The following TFAP2A variants were observed in gnomAD, a reference collection of about 807,000 sequenced individuals.
The protein encoded by TFAP2A is transcription factor AP-2 alpha, also known as transcription factor AP-2-alpha.
In TFAP2A, 7 loss-of-function variants were observed where a neutral mutation model predicts 41.5. The ratio of observed to expected loss-of-function variants is 0.17; its 90% CI spans 0.10 to 0.32. The LOEUF is 0.32. Ranked by LOEUF, TFAP2A falls within the 10% of genes least tolerant of loss-of-function variation. TFAP2A has a pLI of 1.00. For synonymous variants in TFAP2A, 247 were observed against 242.8 expected (o/e 1.02, Z -0.16); for missense variants, 416 against 563.3 (o/e 0.74, Z 2.65).
intron 3 of TFAP2A, chr6:10,405,600 A>G (rs1757677421): frequency 6.6e-6 from 1 of 152,210 alleles, no homozygotes; most frequent in Non-Finnish European, 1.5e-5. Flanking sequence ...AAAAAAATAG[A>G]AGACCTGCAG....
Position 10,413,165 on chromosome 6 carries a change from A to G in TFAP2A, c.51+1776T>C, listed in dbSNP as rs1352900099. ...CTGCGTGTCCCTACAGAGCCCCGGC[A>G]CAATCAGACTGCCCCAAGCCAGCTC... is the stretch of plus-strand genomic sequence containing the variant. On this transcript the variant is annotated intron_variant, in intron 1 of 6. Transcript: ENST00000379613. Among the ~76,000 whole-genome samples, 4 of 152,214 alleles carry G rather than the reference A, an allele frequency of 2.6e-5. No individual in the cohort carries two copies. In the East Asian group the frequency reaches 7.7e-4, roughly 29 times the overall value.
upstream of TFAP2A, chr6:10,419,532 A>G: frequency 6.4e-7 from 1 of 1,568,284 alleles, no homozygotes; most frequent in Non-Finnish European, 8.8e-7. Flanking sequence ...GGAATCGCTT[A>G]GGCAAATCCT....
upstream of TFAP2A, chr6:10,418,326 G>C (rs866169326): frequency 6.6e-6 from 1 of 152,220 alleles, no homozygotes; most frequent in African/African-American, 2.4e-5. Flanking sequence ...ACTTTTAATG[G>C]CCTAAATCTG....
At chr6:10,404,482 G>A (rs1315737040) in intron 4 of TFAP2A, 26 bp downstream of exon 4, 1 of 1,483,060 alleles carries the variant, frequency 6.7e-7, no homozygotes, top group East Asian at 2.7e-5. Flanking sequence ...GCGGGGCGGG[G>A]CGGGCGGGGC....
chr6:10,402,973 C>A (rs998614694), intron 4 of TFAP2A, among the ~76,000 whole-genome samples: 4 of 152,228 alleles, frequency 2.6e-5, no homozygotes, highest in African/African-American at 9.7e-5. Context: ...TCACACCAAT[C>A]CCAATGGGGT....
chr6:10,403,661 G>A lies in TFAP2A; in HGVS notation c.770+847C>T, dbSNP rs184064722. Among the ~76,000 whole-genome samples, 327 of 152,312 alleles carry A rather than the reference G, an allele frequency of 2.1e-3. 1 individual carries two copies. Among genetic ancestry groups the A allele is most frequent in the African/African-American group, 7.5e-3 (312 of 41,568 alleles). ...ACACAAGCCCCACAACTCACAACGTGCAGTGGAATCCTAGGGGTAGGAAGC... is the reference window on the plus strand; with the variant it reads ...ACACAAGCCCCACAACTCACAACGTACAGTGGAATCCTAGGGGTAGGAAGC... On this transcript the variant is annotated intron_variant, in intron 4 of 6. Transcript: ENST00000379613.
At position 10,404,564 on chromosome 6, in the gene TFAP2A, C is replaced by T. The variant is rs761298686; in HGVS notation, c.714G>A (p.Arg238=). The change falls in exon 4 of 7, where the codon CGG becomes CGA. Residue 238 remains arginine, a synonymous_variant. Transcript: ENST00000379613. The part of the protein sequence containing the change: ...KYKVTVAEVQ[R]RLSPPECLNA... ...TGAGACACTCGGGTGGTGAGAGCCGCCGCTGCACTTCCGCCACCGTGACCT... is the reference window on the plus strand; with the variant it reads ...TGAGACACTCGGGTGGTGAGAGCCGTCGCTGCACTTCCGCCACCGTGACCT... 38 of 1,613,896 alleles carry T rather than the reference C, an allele frequency of 2.4e-5. No individual in the cohort carries two copies. Among genetic ancestry groups the T allele is most frequent in the Admixed American group, 6.7e-5 (4 of 60,002 alleles).
At position 10,397,816 on chromosome 6, in the gene TFAP2A, G is replaced by A. The variant is rs1761832619; in HGVS notation, c.*601C>T. ...CAAGTTGGTCGCTTTACCTTAAAGA[G>A]GAAAAACTTCTACAACTGAAGACAT... On this transcript the variant is annotated 3_prime_UTR_variant, in exon 7 of 7. Transcript: ENST00000379613. 1.0e-6 allele frequency: 1 copy of A among 984,800 alleles called. No homozygotes were observed. Among genetic ancestry groups the A allele is most frequent in the Non-Finnish European group, 1.2e-6 (1 of 829,114 alleles). 61.0% of individuals were successfully genotyped at this position (984,800 alleles called of 1,614,324 possible). A position where few individuals can be genotyped will look rare whatever the true frequency, so the allele number is the denominator to read the frequency against.
At chr6:10,414,209 G>A (rs756451192) in intron 1 of TFAP2A, among the ~76,000 whole-genome samples, 5 of 152,240 alleles carry the variant, frequency 3.3e-5, no homozygotes, top group Non-Finnish European at 7.3e-5. Context: ...GCGGCCAGCA[G>A]GCTCGGCGCA....
chr6:10,410,525 A>C (rs986904903), intron 1 of TFAP2A, among the ~76,000 whole-genome samples, 190 bp from the exon 2 acceptor site: 1 of 152,304 alleles, frequency 6.6e-6, no homozygotes, highest in African/African-American at 2.4e-5. Flanking sequence ...CAACGCAGAG[A>C]AACTGTATAT....
chr6:10,409,830 C>T, intron 2 of TFAP2A, 71 bp downstream of exon 2: 2 of 1,515,688 alleles, frequency 1.3e-6, no homozygotes, highest in African/African-American at 1.4e-5. Flanking sequence ...ACTGTATGTT[C>T]CAGGTATCCT....
At position 10,397,860 on chromosome 6, in the gene TFAP2A, T is replaced by G; in HGVS notation, c.*557A>C. 1.0e-6 allele frequency: 1 copy of G among 987,492 alleles called. No homozygotes were observed. Among genetic ancestry groups the G allele is most frequent in the Non-Finnish European group, 1.2e-6 (1 of 831,424 alleles). 61.2% of individuals were successfully genotyped at this position (987,492 alleles called of 1,614,324 possible). A position where few individuals can be genotyped will look rare whatever the true frequency, so the allele number is the denominator to read the frequency against. On this transcript the variant is annotated 3_prime_UTR_variant, in exon 7 of 7. Coordinates refer to ENST00000379613, the MANE Select transcript of TFAP2A (RefSeq NM_001372066.1). ...AAGACATGACATGGAACTTCGTGTA[T>G]TTGTGTTCAAGTTTATTCACAATAC...
Position 10,410,183 on chromosome 6 carries a change from G to A in TFAP2A, c.204C>T (p.Tyr68=). The A allele has an allele frequency of 1.0e-5, 15 of 1,447,954 alleles. No homozygotes were observed. The highest frequency in any genetic ancestry group is 3.2e-5 in the East Asian group (1 of 30,846). The allele number at this position is 1,447,954 out of a possible 1,614,324, so 89.7% of individuals were successfully genotyped here. Residue 68 remains tyrosine, a synonymous_variant, in exon 2 of 7, where the codon TAC becomes TAT. Coordinates refer to ENST00000379613, the MANE Select transcript of TFAP2A (RefSeq NM_001372066.1). ...GGGAGTAAGGATCTTGCGACTGGGGGTAGATAGGCTGGTAGGGTGGGGGGA... is the reference window on the plus strand; with the variant it reads ...GGGAGTAAGGATCTTGCGACTGGGGATAGATAGGCTGGTAGGGTGGGGGGA... ...PYFPPPYQPI[Y]PQSQDPYSHV...
Position 10,407,172 on chromosome 6 carries a change from A to G in TFAP2A, c.487-328T>C, listed in dbSNP as rs184301128. On this transcript the variant is annotated intron_variant, in intron 2 of 6. Coordinates refer to ENST00000379613, the MANE Select transcript of TFAP2A (RefSeq NM_001372066.1). Reference sequence around the variant, plus strand: ...TTCTCAGTCAGTTCAACATTTAGAAATGTACCTAGCTTTAGATTGGCGCCT... The same window carrying G: ...TTCTCAGTCAGTTCAACATTTAGAAGTGTACCTAGCTTTAGATTGGCGCCT... 3.1e-5 allele frequency: 11 copies of G among 359,432 alleles called. No individual in the cohort carries two copies. In the East Asian group the frequency reaches 7.1e-4, roughly 23 times the overall value. The allele number at this position is 359,432 out of a possible 1,614,324, so 22.3% of individuals were successfully genotyped here. A position where few individuals can be genotyped will look rare whatever the true frequency, so the allele number is the denominator to read the frequency against.
upstream of TFAP2A, chr6:10,416,130 C>A (rs551281943): frequency 1.3e-5 from 2 of 152,222 alleles, no homozygotes; most frequent in Non-Finnish European, 2.9e-5. Flanking sequence ...AGTCTAGATA[C>A]CGTCTCGTGC....
rs1404183446 is a variant in TFAP2A at position 10,397,125 on chromosome 6, A to T, written c.*1292T>A. The T allele has an allele frequency of 3.3e-5, 5 of 152,260 alleles. No individual in the cohort carries two copies. Among genetic ancestry groups the T allele is most frequent in the Non-Finnish European group, 7.3e-5 (5 of 68,038 alleles). 9.4% of individuals were successfully genotyped at this position (152,260 alleles called of 1,614,324 possible). ...AGGCATGGAAACTACTGCCAGCACAACTCAATACAATGCAACTAGAACTGC... is the reference window on the plus strand; with the variant it reads ...AGGCATGGAAACTACTGCCAGCACATCTCAATACAATGCAACTAGAACTGC... On this transcript the variant is annotated 3_prime_UTR_variant, in exon 7 of 7. Transcript: ENST00000379613.
In TFAP2A at chr6:10,414,941, C is replaced by G; in HGVS notation, c.51G>C (p.Glu17Asp). The change falls in exon 1 of 7, where the codon GAG becomes GAC. Residue 17 changes from glutamate (E) to aspartate (D), a missense_variant and splice_region_variant. Transcript: ENST00000379613. ...ATGATCGAGCCGGCGTCGCGCTTAC[C>G]TCGCAGTCCTCGTACTTGATATTAT... ...LTDNIKYEDC[E>D]DRHDGTSNGT... 2.5e-6 allele frequency: 4 copies of G among 1,614,016 alleles called. No individual in the cohort carries two copies. Among genetic ancestry groups the G allele is most frequent in the Non-Finnish European group, 3.4e-6 (4 of 1,180,002 alleles).
At chr6:10,418,013 T>TC (rs1276107679), upstream of TFAP2A, among the ~76,000 whole-genome samples, 9 of 152,190 alleles carry the variant, frequency 5.9e-5, no homozygotes, top group East Asian at 1.7e-3. Flanking sequence ...CCGAAAGGAC[T>TC]CCCCCAGTCT....
chr6:10,404,308 A>G (rs967527682), intron 4 of TFAP2A, among the ~76,000 whole-genome samples, 200 bp downstream of exon 4: 2 of 152,212 alleles, frequency 1.3e-5, no homozygotes, highest in Admixed American at 1.3e-4. Flanking sequence ...CGGAGAGCGC[A>G]GGCGCGCGCC....
Sources: allele counts gnomAD v4.1 joint callset (sites outside exome capture counted in the v4.1 genomes callset), GRCh38; gene constraint gnomAD v4.1.1; transcripts MANE v1.5; gene names NCBI Gene and HGNC (gene_info 2026-07-23, HGNC 2026-07-21).